Variants in ADGRB3 observed in about 807,000 individuals in gnomAD.
ADGRB3 encodes the protein adhesion G protein-coupled receptor B3.
ADGRB3 carries 37 observed loss-of-function variants against 193.4 expected under a neutral mutation model. The ratio of observed to expected loss-of-function variants is 0.19; its 90% confidence interval spans 0.15 to 0.25. The LOEUF (loss-of-function observed/expected upper bound fraction) is 0.25. Among genes scored for constraint, ADGRB3 ranks in the 10% least tolerant of loss-of-function variants. The probability of loss-of-function intolerance (pLI) is 1.00; values close to 1 mark genes in which losing one functional copy is unlikely to be tolerated. For synonymous variants in ADGRB3, 690 were observed against 644.2 expected (o/e 1.07, Z -1.08); for missense variants, 1,637 against 1,852.9 (o/e 0.88, Z 2.14).
intron 3 of ADGRB3, among the ~76,000 whole-genome samples, chr6:68,819,910 C>A (rs529843940): frequency 3.3e-5 from 5 of 152,068 alleles, no homozygotes; most frequent in Non-Finnish European, 7.4e-5. Flanking sequence ...TCATCAAATA[C>A]TTTTATTTCC....
chr6:68,959,183 T>C (rs187715865), intron 8 of ADGRB3, among the ~76,000 whole-genome samples: 208 of 152,266 alleles, frequency 1.4e-3, no homozygotes, highest in African/African-American at 4.9e-3. Context: ...TCCAACTCTG[T>C]TCAATGTCCT....
rs75091159 is a variant in ADGRB3 at position 69,284,274 on chromosome 6, T to C, written c.2815-40598T>C. ...TCGTCCCTCTGGCACACCACCTTGA[T>C]GCGTACACTTTGCACATAGTCATCG... On this transcript the variant is annotated intron_variant, in intron 20 of 31. Transcript: ENST00000370598. Among the ~76,000 whole-genome samples, 663 of 152,280 alleles carry C rather than the reference T, an allele frequency of 4.4e-3. 4 individuals carry two copies. The highest frequency in any genetic ancestry group is 0.015 in the African/African-American group (619 of 41,572).
At chr6:69,278,789 T>C (rs993839419) in intron 20 of ADGRB3, among the ~76,000 whole-genome samples, 5 of 151,950 alleles carry the variant, frequency 3.3e-5, no homozygotes, top group Non-Finnish European at 7.4e-5. Context: ...TTGTTTTCTG[T>C]AAATTGGGAG....
intron 13 of ADGRB3, among the ~76,000 whole-genome samples, chr6:69,021,986 C>T (rs995920534): frequency 2.0e-5 from 3 of 151,346 alleles, no homozygotes; most frequent in African/African-American, 7.3e-5. Context: ...AAAAAACAGT[C>T]TACAAACAAA....
intron 13 of ADGRB3, among the ~76,000 whole-genome samples, chr6:69,032,881 T>C (rs1337055937): frequency 6.6e-6 from 1 of 152,100 alleles, no homozygotes; most frequent in African/African-American, 2.4e-5. Flanking sequence ...ATCTCTCCTG[T>C]ATAGTTGTCA....
chr6:68,892,070 T>A (rs571464090), intron 3 of ADGRB3, among the ~76,000 whole-genome samples: 11 of 152,338 alleles, frequency 7.2e-5, no homozygotes, highest in African/African-American at 2.6e-4. Flanking sequence ...TTTTAGTTAG[T>A]TTAAATTTAA....
At position 69,082,128 on chromosome 6, in the gene ADGRB3, A is replaced by G. The variant is rs78579665; in HGVS notation, c.2480+6090A>G. 9.9e-3 allele frequency among the ~76,000 whole-genome samples: 1,513 copies of G among 152,232 alleles called. 20 individuals are homozygous for G. The highest frequency in any genetic ancestry group is 0.044 in the Middle Eastern group (13 of 294). On this transcript the variant is annotated intron_variant, in intron 17 of 31. Transcript: ENST00000370598. ...ACTACAACTGCAAAGTTGAGTCACA[A>G]CAGAAATCATAATGTCTGCAACTCC...
chr6:68,880,763 C>G (rs1470973270), intron 3 of ADGRB3, among the ~76,000 whole-genome samples: 1 of 64,322 alleles, frequency 1.6e-5, no homozygotes. Context: ...CTATTGTCCC[C>G]CAAAACAAAT....
chr6:69,305,812 T>C (rs1437535874), intron 20 of ADGRB3, among the ~76,000 whole-genome samples: 1 of 151,414 alleles, frequency 6.6e-6, no homozygotes, highest in African/African-American at 2.4e-5. Context: ...CTAAGTGCAA[T>C]CAATCTTCCA....
At chr6:68,850,064 G>A (rs1324245407) in intron 3 of ADGRB3, among the ~76,000 whole-genome samples, 1 of 149,900 alleles carries the variant, frequency 6.7e-6, no homozygotes, top group Non-Finnish European at 1.5e-5. Context: ...TTTTAATAAG[G>A]CATGTTATCG....
At chr6:69,061,331 T>A (rs532192837) in intron 15 of ADGRB3, among the ~76,000 whole-genome samples, 22 of 151,984 alleles carry the variant, frequency 1.4e-4, no homozygotes, top group African/African-American at 5.1e-4. Flanking sequence ...TAACTCCGCA[T>A]TTTTTTCTGA....
At chr6:69,105,321 C>T (rs1773176875) in intron 17 of ADGRB3, among the ~76,000 whole-genome samples, 1 of 152,174 alleles carries the variant, frequency 6.6e-6, no homozygotes, top group Non-Finnish European at 1.5e-5. Flanking sequence ...TCCACTGGTA[C>T]TGACTTCACT....
chr6:68,967,454 C>T (rs186586731), intron 8 of ADGRB3, among the ~76,000 whole-genome samples: 6 of 152,168 alleles, frequency 3.9e-5, no homozygotes, highest in Admixed American at 3.9e-4. Context: ...CTTAGTAAGT[C>T]AGATATAGCC....
At chr6:68,862,177 T>C (rs910554781) in intron 3 of ADGRB3, among the ~76,000 whole-genome samples, 5 of 144,280 alleles carry the variant, frequency 3.5e-5, no homozygotes, top group African/African-American at 1.3e-4. Context: ...CTTATGGGCA[T>C]AAAGACTCAC....
At chr6:68,936,287 G>T (rs1436063464) in intron 4 of ADGRB3, among the ~76,000 whole-genome samples, 1 of 152,176 alleles carries the variant, frequency 6.6e-6, no homozygotes, top group African/African-American at 2.4e-5. Context: ...AGTGTAATTT[G>T]TGAAGAGTAT....
At chr6:69,058,469 A>G (rs1228074103) in intron 15 of ADGRB3, among the ~76,000 whole-genome samples, 1 of 151,864 alleles carries the variant, frequency 6.6e-6, no homozygotes, top group Non-Finnish European at 1.5e-5. Context: ...CTTTATTATT[A>G]TCTTTCTTCA....
intron 3 of ADGRB3, among the ~76,000 whole-genome samples, chr6:68,682,852 A>G (rs1764919447): frequency 6.6e-6 from 1 of 150,778 alleles, no homozygotes; most frequent in Admixed American, 6.6e-5. Context: ...ATCTCAGCTC[A>G]CTGCAACCTC....
intron 17 of ADGRB3, among the ~76,000 whole-genome samples, chr6:69,115,251 A>C (rs1773496842): frequency 6.6e-6 from 1 of 152,232 alleles, no homozygotes; most frequent in South Asian, 2.1e-4. Context: ...TATACCATGG[A>C]ATACTATGCA....
chr6:69,359,684 A>G (rs1309677254), intron 28 of ADGRB3, among the ~76,000 whole-genome samples: 1 of 151,958 alleles, frequency 6.6e-6, no homozygotes, highest in Non-Finnish European at 1.5e-5. Flanking sequence ...GAAAAAAATC[A>G]GTATATCTGA....
Sources: gnomAD v4.1 joint callset for allele counts (sites outside exome capture counted in the v4.1 genomes callset) on GRCh38, gnomAD v4.1.1 for gene constraint, MANE v1.5 for transcripts, NCBI Gene and HGNC (gene_info 2026-07-23, HGNC 2026-07-21) for gene names.